The following FNBP1 variants were observed in gnomAD, a reference collection of about 807,000 sequenced individuals.
FNBP1 encodes the protein formin-binding protein 1.
A neutral mutation model predicts 90.6 loss-of-function variants in FNBP1; 26 were observed. The observed-to-expected ratio is 0.29, with a 90% CI of 0.21 to 0.40. FNBP1 has a LOEUF of 0.40. FNBP1 is among the 10% of genes least tolerant of loss of function. FNBP1 has a pLI of 1.00. For synonymous variants in FNBP1, 260 were observed against 265.2 expected, an observed-to-expected ratio of 0.98 and a Z score of 0.19; for missense variants, 635 against 768.0, an observed-to-expected ratio of 0.83 and a Z score of 2.05.
At chr9:129,961,234 A>AC (rs1408105347) in intron 4 of FNBP1, among the ~76,000 whole-genome samples, 2 of 151,962 alleles carry the variant, frequency 1.3e-5, no homozygotes, top group African/African-American at 4.8e-5. Context: ...AATCACTTGA[A>AC]CTGGGAGGCG....
At chr9:129,901,016 CT>C (rs563064099) in intron 13 of FNBP1, among the ~76,000 whole-genome samples, 6 of 147,500 alleles carry the variant, frequency 4.1e-5, no homozygotes, top group Admixed American at 6.9e-5. Flanking sequence ...AGGAGTGTAA[CT>C]TTTTTTTTTG....
intron 1 of FNBP1, among the ~76,000 whole-genome samples, chr9:130,027,459 A>G (rs2058445802): frequency 6.6e-6 from 1 of 152,240 alleles, no homozygotes; most frequent in African/African-American, 2.4e-5. Flanking sequence ...AAAAGGATAC[A>G]TGGTAGCTTT....
chr9:129,925,165 T>C lies in FNBP1; in HGVS notation c.790-8A>G, dbSNP rs771239872. On this transcript the variant is annotated splice_region_variant and splice_polypyrimidine_tract_variant and intron_variant, in intron 8 of 16. Transcript: ENST00000446176. ...TATTACCAGCTGTGAATCCTGAAAT[T>C]ATACCCACAAGCATATAAATACATT... 1.6e-5 allele frequency: 25 copies of C among 1,605,382 alleles called. No homozygotes were observed. The highest frequency in any genetic ancestry group is 2.1e-5 in the Non-Finnish European group (25 of 1,173,488).
chr9:130,014,081 T>A (rs1182377031), intron 1 of FNBP1: 1 of 456,522 alleles, frequency 2.2e-6, no homozygotes, highest in Admixed American at 2.4e-5. Context: ...AAACAATGTA[T>A]TTTACTGGTA....
In FNBP1 at chr9:129,915,964, A is replaced by G. The variant is rs1337683510; in HGVS notation, c.1185+2T>C. 1 of 1,608,974 alleles carries G rather than the reference A, an allele frequency of 6.2e-7. No individual in the cohort carries two copies. The highest frequency in any genetic ancestry group is 1.1e-5 in the South Asian group (1 of 90,852). ...GGACATGCATGGAACAATTGTGCTT[A>G]CCAGCTTGAGAGAAAGCTTCATGTA... On this transcript the variant is annotated splice_donor_variant, in intron 11 of 16. Transcript: ENST00000446176. LOFTEE classifies it high-confidence loss of function.
intron 1 of FNBP1, among the ~76,000 whole-genome samples, chr9:130,000,494 A>G (rs1471569028): frequency 6.6e-6 from 1 of 152,170 alleles, no homozygotes; most frequent in Non-Finnish European, 1.5e-5. Flanking sequence ...GCGAGACTCC[A>G]TGTCAAAAAC....
chr9:129,958,289 G>A (rs759358312), intron 5 of FNBP1, among the ~76,000 whole-genome samples: 11 of 152,018 alleles, frequency 7.2e-5, no homozygotes, highest in East Asian at 1.9e-4. Context: ...AAAATTAGCC[G>A]GGCATGGTGA....
chr9:129,998,311 C>CT (rs1262172786), intron 1 of FNBP1, among the ~76,000 whole-genome samples: 5 of 150,738 alleles, frequency 3.3e-5, no homozygotes, highest in Non-Finnish European at 7.4e-5. Context: ...GGTCAGGAGT[C>CT]TGAGACTAGC....
chr9:129,988,774 T>C (rs1403127564), intron 2 of FNBP1, among the ~76,000 whole-genome samples: 1 of 152,156 alleles, frequency 6.6e-6, no homozygotes, highest in Non-Finnish European at 1.5e-5. Context: ...ACAATACACA[T>C]GGGCACGGCA....
intron 1 of FNBP1, among the ~76,000 whole-genome samples, chr9:130,007,280 A>G (rs1424238880): frequency 1.3e-5 from 2 of 151,702 alleles, no homozygotes; most frequent in Admixed American, 1.3e-4. Flanking sequence ...GAATGCAGAA[A>G]GACACATAGA....
At chr9:129,950,186 G>C (rs1210638049) in intron 6 of FNBP1, among the ~76,000 whole-genome samples, 3 of 152,198 alleles carry the variant, frequency 2.0e-5, no homozygotes, top group East Asian at 3.9e-4. Flanking sequence ...AAAACTGACA[G>C]AACAGTCAAA....
chr9:129,911,525 A>T (rs2039274586), intron 11 of FNBP1, among the ~76,000 whole-genome samples: 1 of 152,242 alleles, frequency 6.6e-6, no homozygotes, highest in East Asian at 1.9e-4. Context: ...TTTTGGGGAG[A>T]TTCTTAGAGA....
intron 1 of FNBP1, among the ~76,000 whole-genome samples, chr9:130,010,477 C>T (rs2056399119): frequency 6.6e-6 from 1 of 152,114 alleles, no homozygotes. Context: ...AGGCTGGTCT[C>T]CAACTCTTAA....
chr9:129,923,020 C>G (rs2041326099), intron 10 of FNBP1, among the ~76,000 whole-genome samples: 1 of 151,700 alleles, frequency 6.6e-6, no homozygotes, highest in African/African-American at 2.4e-5. Context: ...TGCGCTTGTC[C>G]TATTAATTTT....
intron 4 of FNBP1, among the ~76,000 whole-genome samples, chr9:129,967,539 G>A (rs1407206904): frequency 6.6e-6 from 1 of 151,966 alleles, no homozygotes; most frequent in Non-Finnish European, 1.5e-5. Context: ...TTGTTTTGGG[G>A]TGGGCTAACA....
intron 16 of FNBP1, chr9:129,895,475 G>C: frequency 8.7e-7 from 1 of 1,148,620 alleles, no homozygotes; most frequent in Non-Finnish European, 1.1e-6. Context: ...CCTGCATGAT[G>C]CGTGCCGGCT....
chr9:129,965,918 C>A (rs2048563166), intron 4 of FNBP1, among the ~76,000 whole-genome samples: 1 of 152,030 alleles, frequency 6.6e-6, no homozygotes. Context: ...CTGATCCCTT[C>A]TGAGGATATA....
At chr9:130,050,879 T>G in the FNBP1 span, among the ~76,000 whole-genome samples, 1 of 142,750 alleles carries the variant, frequency 7.0e-6, no homozygotes, top group African/African-American at 2.6e-5. Context: ...CAGGCTGGAG[T>G]GAATTGGTGC....
At chr9:130,047,182 A>G (rs2060065477), upstream of FNBP1, among the ~76,000 whole-genome samples, 1 of 151,098 alleles carries the variant, frequency 6.6e-6, no homozygotes, top group African/African-American at 2.4e-5. Flanking sequence ...CCCAGTCTCT[A>G]AAAAAAAATA....
Sources: allele counts gnomAD v4.1 joint callset (sites outside exome capture counted in the v4.1 genomes callset), GRCh38; gene constraint gnomAD v4.1.1; transcripts MANE v1.5; gene names NCBI Gene and HGNC (gene_info 2026-07-23, HGNC 2026-07-21).